Variants in PTGFRN observed in about 807,000 individuals in gnomAD.
PTGFRN encodes the protein prostaglandin F2 receptor inhibitor.
Under a neutral mutation model 83.2 loss-of-function variants are expected in PTGFRN, and 35 were observed. The observed-to-expected ratio is 0.42, with a 90% CI of 0.32 to 0.56. PTGFRN has a LOEUF of 0.56. Ranked by LOEUF, PTGFRN falls within the 20% of genes least tolerant of loss-of-function variation. The pLI, the probability that PTGFRN is intolerant of heterozygous loss-of-function variation, is 0.11. For missense variants in PTGFRN, 1,051 were observed against 1,179.5 expected, an observed-to-expected ratio of 0.89 and a Z score of 1.60; for synonymous variants, 519 against 498.6, an observed-to-expected ratio of 1.04 and a Z score of -0.55.
intron 1 of PTGFRN, among the ~76,000 whole-genome samples, chr1:116,920,105 C>T (rs1286059385): frequency 1.3e-5 from 2 of 152,250 alleles, no homozygotes; most frequent in Non-Finnish European, 2.9e-5. Context: ...TGTCTCTCAC[C>T]TGGCTGGTGC....
intron 3 of PTGFRN, among the ~76,000 whole-genome samples, chr1:116,946,236 T>C (rs967640838): frequency 1.4e-4 from 22 of 152,160 alleles, no homozygotes; most frequent in African/African-American, 5.3e-4. Context: ...TGAAGGTGCA[T>C]TGTCCTGAGC....
intron 7 of PTGFRN, among the ~76,000 whole-genome samples, chr1:116,983,085 G>A (rs1043748212): frequency 6.6e-6 from 1 of 152,210 alleles, no homozygotes; most frequent in African/African-American, 2.4e-5. Context: ...TGTGTTCCAG[G>A]TGCTGTTCTA....
chr1:116,921,631 T>C (rs1000688857), intron 1 of PTGFRN, among the ~76,000 whole-genome samples: 2 of 137,316 alleles, frequency 1.5e-5, no homozygotes, highest in Non-Finnish European at 3.1e-5. Context: ...CTTTGTAATC[T>C]TTTTTTTTTT....
In PTGFRN at chr1:116,961,154, A is replaced by C. The variant is rs746941477; in HGVS notation, c.1214-89A>C. 1.1e-5 allele frequency: 14 copies of C among 1,316,242 alleles called. No individual in the cohort carries two copies. Among genetic ancestry groups the C allele is most frequent in the Non-Finnish European group, 1.3e-5 (13 of 985,358 alleles). 81.5% of individuals were successfully genotyped at this position (1,316,242 alleles called of 1,614,324 possible). On this transcript the variant is annotated intron_variant, in intron 4 of 8. Transcript: ENST00000393203. The surrounding 1 kb of genome is among the most constrained non-coding windows in gnomAD (Gnocchi z 5.4). ...AGGAGAAGCATTTAATTGTTAAAAC[A>C]AGAGCAGTCCTTGTCTCATTCCTTT... is the stretch of plus-strand genomic sequence containing the variant.
At position 116,961,587 on chromosome 1, in the gene PTGFRN, T is replaced by C. The variant is rs1202938976; in HGVS notation, c.1558T>C (p.Trp520Arg). The C allele has an allele frequency of 6.2e-7, 1 of 1,614,224 alleles. No individual in the cohort carries two copies. The highest frequency in any genetic ancestry group is 1.1e-5 in the South Asian group (1 of 91,084). The change falls in exon 5 of 9, where the codon TGG becomes CGG. Residue 520 changes from tryptophan (W) to arginine (R), a missense_variant. This residue lies in a region of PTGFRN where 719 missense variants were observed against 836.6 expected (regional missense o/e 0.86). Transcript: ENST00000393203. This position sits in a 1 kb window ranked among gnomAD's most constrained non-coding sequence, Gnocchi z 5.4. ...CAATTATTACTGTGTTGTGTCTGCC[T>C]GGACCAAACAGCGGAACAACAGCTG... is the stretch of plus-strand genomic sequence containing the variant. Reference protein sequence around the residue: ...RGNYYCVVSAWTKQRNNSWVK... With the variant: ...RGNYYCVVSARTKQRNNSWVK...
In PTGFRN at chr1:116,949,203, G is replaced by T. The variant is rs775054132; in HGVS notation, c.844G>T (p.Ala282Ser). The change falls in exon 4 of 9, where the codon GCT becomes TCT. Residue 282 changes from alanine to serine, a missense_variant. Ala to Ser is a moderately conservative substitution (Grantham distance 99). Transcript: ENST00000393203. ...TTTTAATTTTCAAGTTCTGCGAGCA[G>T]CTGTGCCCAAGAATGTGTCTGTGGC... ...VVIQPSVLRA[A>S]VPKNVSVAEG... is the part of the protein sequence containing the mutation. 1 of 1,586,408 alleles carries T rather than the reference G, an allele frequency of 6.3e-7. No individual in the cohort carries two copies. Among genetic ancestry groups the T allele is most frequent in the Admixed American group, 1.8e-5 (1 of 57,030 alleles).
At chr1:116,982,498 G>C (rs561543456) in intron 7 of PTGFRN, among the ~76,000 whole-genome samples, 2 of 152,152 alleles carry the variant, frequency 1.3e-5, no homozygotes, top group South Asian at 4.1e-4. Flanking sequence ...GTGCTGAGCA[G>C]GGGTGGGGAC....
chr1:116,968,683 C>T (rs557018383), intron 6 of PTGFRN, among the ~76,000 whole-genome samples: 1 of 152,208 alleles, frequency 6.6e-6, no homozygotes, highest in African/African-American at 2.4e-5. Context: ...GAAGAAACTC[C>T]ACTCTCATTA....
chr1:116,948,920 A>G (rs1486912399), intron 3 of PTGFRN, among the ~76,000 whole-genome samples: 3 of 152,232 alleles, frequency 2.0e-5, no homozygotes, highest in Non-Finnish European at 4.4e-5. Flanking sequence ...TTTGAGGATT[A>G]TTATATGTAA....
At chr1:116,914,979 A>G (rs1281876683) in intron 1 of PTGFRN, among the ~76,000 whole-genome samples, 1 of 152,192 alleles carries the variant, frequency 6.6e-6, no homozygotes, top group East Asian at 1.9e-4. Flanking sequence ...CCTCACAACA[A>G]TACTTTGAGA....
intron 5 of PTGFRN, among the ~76,000 whole-genome samples, chr1:116,963,391 G>T (rs932976378): frequency 1.3e-5 from 2 of 152,144 alleles, no homozygotes; most frequent in African/African-American, 4.8e-5. Context: ...TCCCATTCAC[G>T]CTGCCCCAGG....
At position 116,910,178 on chromosome 1, in the gene PTGFRN, G is replaced by T; in HGVS notation, c.-26G>T. 6.7e-7 allele frequency: 1 copy of T among 1,502,612 alleles called. No homozygotes were observed. 93.1% of individuals were successfully genotyped at this position (1,502,612 alleles called of 1,614,324 possible). A position where few individuals can be genotyped will look rare whatever the true frequency, so the allele number is the denominator to read the frequency against. ...GAGGCGGCGGGGAAGGAGGAGGAGG[G>T]GGAGAGTCGCTCCCGCCGGGCGAGC... is the stretch of plus-strand genomic sequence containing the variant. On this transcript the variant is annotated 5_prime_UTR_variant, in exon 1 of 9. Coordinates refer to ENST00000393203, the MANE Select transcript of PTGFRN (RefSeq NM_020440.4).
chr1:116,926,359 A>AGTAGGGAGGGAT (rs1649661074), intron 1 of PTGFRN, among the ~76,000 whole-genome samples: 1 of 152,234 alleles, frequency 6.6e-6, no homozygotes, highest in African/African-American at 2.4e-5. Context: ...AAAATGGCTG[A>AGTAGGGAGGGAT]GCAGGGAGGG....
chr1:116,984,357 C>T (rs1184353596), intron 7 of PTGFRN, among the ~76,000 whole-genome samples: 1 of 152,092 alleles, frequency 6.6e-6, no homozygotes, highest in Non-Finnish European at 1.5e-5. Flanking sequence ...GGCCCTGACT[C>T]TTCTTCCTGT....
At chr1:116,948,032 G>A (rs533407936) in intron 3 of PTGFRN, among the ~76,000 whole-genome samples, 1 of 152,310 alleles carries the variant, frequency 6.6e-6, no homozygotes, top group South Asian at 2.1e-4. Context: ...TTTACGCCAA[G>A]GAGCACGGGC....
chr1:116,963,595 T>G (rs1330242360), intron 5 of PTGFRN, among the ~76,000 whole-genome samples: 2 of 152,006 alleles, frequency 1.3e-5, no homozygotes, highest in African/African-American at 4.8e-5. Context: ...GTTGTGGTAT[T>G]TTTTGTTGTT....
In PTGFRN at chr1:116,988,081, G is replaced by A. The variant is rs1651562131; in HGVS notation, c.*1114G>A. 6.6e-6 allele frequency: 1 copy of A among 152,296 alleles called. No individual in the cohort carries two copies. The highest frequency in any genetic ancestry group is 1.9e-4 in the East Asian group (1 of 5,184). The allele number at this position is 152,296 out of a possible 1,614,324, so 9.4% of individuals were successfully genotyped here. ...TTAACCTGAAGGCAAATTGCTACTT[G>A]CAAGACTGACTGACTTCAAGGAATC... On this transcript the variant is annotated 3_prime_UTR_variant, in exon 9 of 9. Transcript: ENST00000393203.
At chr1:116,953,598 T>C (rs975534451) in intron 4 of PTGFRN, among the ~76,000 whole-genome samples, 5 of 151,978 alleles carry the variant, frequency 3.3e-5, no homozygotes, top group African/African-American at 1.2e-4. Flanking sequence ...GATGATTTGT[T>C]AGTGTTTGAG....
intron 2 of PTGFRN, among the ~76,000 whole-genome samples, chr1:116,942,782 TTTTG>T (rs749775680): frequency 2.0e-5 from 3 of 152,070 alleles, no homozygotes; most frequent in South Asian, 2.1e-4. Context: ...GTTTTGGGGG[TTTTG>T]TTTGTTTGTT....
Sources: gnomAD v4.1 joint callset for allele counts (sites outside exome capture counted in the v4.1 genomes callset) on GRCh38, gnomAD v4.1.1 for gene constraint, gnomAD v4.1.1 regional missense constraint, Gnocchi (gnomAD v3.1) non-coding constraint, MANE v1.5 for transcripts, NCBI Gene and HGNC (gene_info 2026-07-23, HGNC 2026-07-21) for gene names.